TLX1: variants seen among roughly 807,000 people sequenced by gnomAD.
TLX1 encodes the protein T cell leukemia homeobox 1.
A neutral mutation model predicts 26.5 loss-of-function variants in TLX1; 6 were observed. That is an observed-to-expected ratio of 0.23 (90% CI 0.12 to 0.45). The LOEUF is 0.45. Among genes scored for constraint, TLX1 ranks in the 20% least tolerant of loss-of-function variants. The probability of loss-of-function intolerance (pLI) is 0.99; values close to 1 mark genes in which losing one functional copy is unlikely to be tolerated. For synonymous variants in TLX1, 217 were observed against 219.7 expected, an observed-to-expected ratio of 0.99 and a Z score of 0.11; for missense variants, 418 against 482.6, an observed-to-expected ratio of 0.87 and a Z score of 1.25.
chr10:101,134,073 T>G (rs1590128443), intron 1 of TLX1, 102 bp from the exon 2 acceptor site: 1 of 1,139,350 alleles, frequency 8.8e-7, no homozygotes, highest in Non-Finnish European at 1.2e-6. Flanking sequence ...TCGCGGGGTG[T>G]TGGGCCTGGG....
At chr10:101,136,597 C>T in intron 2 of TLX1, 94 bp from the exon 3 acceptor site, 1 of 1,604,808 alleles carries the variant, frequency 6.2e-7, no homozygotes, top group Non-Finnish European at 8.5e-7. Flanking sequence ...GAGCAGCGCT[C>T]GTTCAGTTTA....
In TLX1 at chr10:101,131,906, G is replaced by A; in HGVS notation, c.365G>A (p.Gly122Asp). The part of the protein sequence containing the change: ...GPGGGGGSSG[G>D]AGALSAAGVI... ...GGCGGCGGCGGCGGCAGCAGCGGCG[G>A]TGCCGGGGCACTCAGCGCTGCGGGG... The change falls in exon 1 of 3, where the codon GGT becomes GAT. Residue 122 changes from glycine to aspartate, a missense_variant. This residue lies in a region of TLX1 where 322 missense variants were observed against 344.6 expected (regional missense o/e 0.93). Coordinates refer to ENST00000370196, the MANE Select transcript of TLX1 (RefSeq NM_005521.4). 1 of 1,397,202 alleles carries A rather than the reference G, an allele frequency of 7.2e-7. No homozygotes were observed. The highest frequency in any genetic ancestry group is 9.2e-7 in the Non-Finnish European group (1 of 1,084,036). The allele number at this position is 1,397,202 out of a possible 1,614,324, so 86.6% of individuals were successfully genotyped here.
In TLX1 at chr10:101,131,872, C is replaced by A. The variant is rs1590126390; in HGVS notation, c.331C>A (p.Pro111Thr). ...CGTGAACATGGCCTTGGCAGGCGGC[C>A]CCGGTCCTGGCGGCGGCGGCGGCAG... ...YNVNMALAGGPGPGGGGGSSG... is the reference protein window; with the variant it reads ...YNVNMALAGGTGPGGGGGSSG... Residue 111 changes from proline to threonine, a missense_variant, in exon 1 of 3, where the codon CCC becomes ACC. Pro to Thr is a conservative substitution (Grantham distance 38). Around this residue, in one of 3 missense-constraint regions of TLX1, gnomAD observed 322 missense variants for 344.6 expected, o/e 0.93. Transcript: ENST00000370196. 5 of 1,404,208 alleles carry A rather than the reference C, an allele frequency of 3.6e-6. No individual in the cohort carries two copies. The highest frequency in any genetic ancestry group is 4.6e-6 in the Non-Finnish European group (5 of 1,086,194). 87.0% of individuals were successfully genotyped at this position (1,404,208 alleles called of 1,614,324 possible). A position where few individuals can be genotyped will look rare whatever the true frequency, so the allele number is the denominator to read the frequency against.
In TLX1 at chr10:101,137,053, C is replaced by A; in HGVS notation, c.*140C>A. On this transcript the variant is annotated 3_prime_UTR_variant, in exon 3 of 3. Coordinates refer to ENST00000370196, the MANE Select transcript of TLX1 (RefSeq NM_005521.4). ...GCCCTCGCACGGCCCCGAAGGGCCCCCACATTTGTGCCGACACTGTTCTCC... is the reference window on the plus strand; with the variant it reads ...GCCCTCGCACGGCCCCGAAGGGCCCACACATTTGTGCCGACACTGTTCTCC... 1.8e-6 allele frequency: 2 copies of A among 1,125,672 alleles called. No individual in the cohort carries two copies. The highest frequency in any genetic ancestry group is 2.5e-6 in the Non-Finnish European group (2 of 811,442). The allele number at this position is 1,125,672 out of a possible 1,614,324, so 69.7% of individuals were successfully genotyped here. A position where few individuals can be genotyped will look rare whatever the true frequency, so the allele number is the denominator to read the frequency against.
At position 101,132,278 on chromosome 10, in the gene TLX1, T is replaced by G. The variant is rs1283207033; in HGVS notation, c.568+169T>G. Among the ~76,000 whole-genome samples the G allele has an allele frequency of 6.6e-6, 1 of 152,208 alleles. No homozygotes were observed. ...CCGATTCTATAACGCAGACTCGCCA[T>G]GCTTGAAGAGTTCTCTCAGCCTGGA... On this transcript the variant is annotated intron_variant, in intron 1 of 2. Transcript: ENST00000370196. The surrounding 1 kb of genome is among the most constrained non-coding windows in gnomAD (Gnocchi z 4.1).
chr10:101,133,203 G>T (rs1940217654), intron 1 of TLX1: 1 of 152,338 alleles, frequency 6.6e-6, no homozygotes, highest in Non-Finnish European at 1.5e-5. Context: ...CTACTTGGGA[G>T]AAGCTGCTGA....
intron 2 of TLX1, among the ~76,000 whole-genome samples, chr10:101,134,681 C>T (rs564948139): frequency 2.0e-5 from 3 of 152,352 alleles, no homozygotes; most frequent in Non-Finnish European, 2.9e-5. Context: ...TTAGTGCACT[C>T]CACGCAGTCC....
rs1255124260 is a variant in TLX1, at chr10:101,131,931, G to A, written c.390G>A (p.Gly130=). 5 of 1,425,338 alleles carry A rather than the reference G, an allele frequency of 3.5e-6. No homozygotes were observed. The Admixed American group carries it at 8.4e-5, about 24-fold the overall frequency. 88.3% of individuals were successfully genotyped at this position (1,425,338 alleles called of 1,614,324 possible). A position where few individuals can be genotyped will look rare whatever the true frequency, so the allele number is the denominator to read the frequency against. The change falls in exon 1 of 3, where the codon GGG becomes GGA. Residue 130 remains glycine (G), a synonymous_variant. Transcript: ENST00000370196. ...SGGAGALSAA[G]VIRVPAHRPL... ...GTGCCGGGGCACTCAGCGCTGCGGGGGTAATCCGGGTGCCGGCACACAGGC... is the reference window on the plus strand; with the variant it reads ...GTGCCGGGGCACTCAGCGCTGCGGGAGTAATCCGGGTGCCGGCACACAGGC...
intron 2 of TLX1, among the ~76,000 whole-genome samples, chr10:101,136,345 C>T (rs1456103420): frequency 6.6e-6 from 1 of 152,138 alleles, no homozygotes; most frequent in African/African-American, 2.4e-5. Flanking sequence ...CCCTCAGGGC[C>T]GGGGAGGGGG....
At position 101,132,181 on chromosome 10, in the gene TLX1, C is replaced by T; in HGVS notation, c.568+72C>T. 1 of 1,252,924 alleles carries T rather than the reference C, an allele frequency of 8.0e-7. No homozygotes were observed. The highest frequency in any genetic ancestry group is 1.0e-6 in the Non-Finnish European group (1 of 991,612). 77.6% of individuals were successfully genotyped at this position (1,252,924 alleles called of 1,614,324 possible). A position where few individuals can be genotyped will look rare whatever the true frequency, so the allele number is the denominator to read the frequency against. On this transcript the variant is annotated intron_variant, in intron 1 of 2. Transcript: ENST00000370196. The surrounding 1 kb of genome is among the most constrained non-coding windows in gnomAD (Gnocchi z 4.1). ...GTGCTACCCCTGCCCCGCCGGGTGG[C>T]TCCCCAAAGCCGGTTCTGCGCTCCA...
Position 101,131,460 on chromosome 10 carries a change from C to T in TLX1, c.-82C>T, listed in dbSNP as rs550133755. 166 of 1,177,242 alleles carry T rather than the reference C, an allele frequency of 1.4e-4. No individual in the cohort carries two copies. In the African/African-American group the frequency reaches 2.4e-3, roughly 17 times the overall value. 72.9% of individuals were successfully genotyped at this position (1,177,242 alleles called of 1,614,324 possible). On this transcript the variant is annotated 5_prime_UTR_variant, in exon 1 of 3. Coordinates refer to ENST00000370196, the MANE Select transcript of TLX1 (RefSeq NM_005521.4). The stretch of plus-strand genomic sequence containing the variant: ...TCCGCGCAGCCAGGAGCCGCTGTTG[C>T]CTCCCAGCCCCTGCTAGCTGCCCCC...
In TLX1 at chr10:101,131,978, AC is replaced by A. The variant is rs1283916865; in HGVS notation, c.442del (p.Gln148SerfsTer93). ...AGGCCGCTCGCCGGAGCCGTGGCCC[AC>A]CCCCAGCCCCTGGCCACCGGCTTGC... ...AHRPLAGAVA[H>X]PQPLATGLPT... On this transcript the variant is annotated frameshift_variant, in exon 1 of 3. Transcript: ENST00000370196. LOFTEE classifies it high-confidence loss of function. 4 of 1,507,018 alleles carry A rather than the reference AC, an allele frequency of 2.7e-6. No homozygotes were observed. The highest frequency in any genetic ancestry group is 3.5e-6 in the Non-Finnish European group (4 of 1,134,620). 93.4% of individuals were successfully genotyped at this position (1,507,018 alleles called of 1,614,324 possible). A position where few individuals can be genotyped will look rare whatever the true frequency, so the allele number is the denominator to read the frequency against.
At chr10:101,136,351 G>T (rs1469429394) in intron 2 of TLX1, among the ~76,000 whole-genome samples, 1 of 152,232 alleles carries the variant, frequency 6.6e-6, no homozygotes, top group Non-Finnish European at 1.5e-5. Context: ...GGGCCGGGGA[G>T]GGGGAGGCGA....
chr10:101,134,210 A>C lies in TLX1; in HGVS notation c.604A>C (p.Lys202Gln). 1 of 1,609,892 alleles carries C rather than the reference A, an allele frequency of 6.2e-7. No individual in the cohort carries two copies. Among genetic ancestry groups the C allele is most frequent in the Non-Finnish European group, 8.5e-7 (1 of 1,178,414 alleles). ...PYQNRTPPKK[K>Q]KPRTSFTRLQ... ...TCAGAACCGGACGCCCCCCAAGAAG[A>C]AGAAGCCGCGCACGTCCTTCACACG... is the stretch of plus-strand genomic sequence containing the variant. Residue 202 changes from lysine to glutamine, a missense_variant, in exon 2 of 3, where the codon AAG becomes CAG. By Grantham distance (53) the Lys-to-Gln change is moderately conservative. Transcript: ENST00000370196.
In TLX1 at chr10:101,136,805, T is replaced by G. The variant is rs770230394; in HGVS notation, c.885T>G (p.Pro295=). 8.1e-6 allele frequency: 13 copies of G among 1,613,490 alleles called. No individual in the cohort carries two copies. In the African/African-American group the frequency reaches 1.7e-4, roughly 22 times the overall value. Residue 295 remains proline, a synonymous_variant, in exon 3 of 3, where the codon CCT becomes CCG. Transcript: ENST00000370196. The part of the protein sequence containing the change: ...KSLAQPLPAD[P]LCVHNSSLFA... ...TGGCACAGCCGCTGCCCGCTGACCC[T>G]CTGTGCGTGCACAACTCGTCGCTCT...
chr10:101,134,143 C>T lies in TLX1; in HGVS notation c.569-32C>T, dbSNP rs374304661. 7.1e-6 allele frequency: 11 copies of T among 1,549,068 alleles called. No homozygotes were observed. In the African/African-American group the frequency reaches 1.5e-4, roughly 21 times the overall value. Reference sequence around the variant, plus strand: ...TCTGTCTGTCTCCCGCTCCAGTGGCCCTCTCACCCTTCACTGTAACACGCC... The same window carrying T: ...TCTGTCTGTCTCCCGCTCCAGTGGCTCTCTCACCCTTCACTGTAACACGCC... On this transcript the variant is annotated intron_variant, in intron 1 of 2. Coordinates refer to ENST00000370196, the MANE Select transcript of TLX1 (RefSeq NM_005521.4).
At chr10:101,134,520 G>C in intron 2 of TLX1, 144 bp downstream of exon 2, 1 of 995,744 alleles carries the variant, frequency 1.0e-6, no homozygotes, top group Non-Finnish European at 1.4e-6. Context: ...CTAGGCTTGC[G>C]GGGAGCTGGA....
rs749600881 is a variant in TLX1, at chr10:101,136,929, C to T, written c.*16C>T. On this transcript the variant is annotated 3_prime_UTR_variant, in exon 3 of 3. Coordinates refer to ENST00000370196, the MANE Select transcript of TLX1 (RefSeq NM_005521.4). ...CTGCGAGTGAGCCTGCCCATTCTGC[C>T]CTGTGGGACCCCAGGCCCACTCAGG... 1.7e-5 allele frequency: 27 copies of T among 1,611,716 alleles called. No individual in the cohort carries two copies. The highest frequency in any genetic ancestry group is 2.3e-5 in the Non-Finnish European group (27 of 1,178,764).
At chr10:101,135,530 C>G (rs76638522) in intron 2 of TLX1, 1 of 153,950 alleles carries the variant, frequency 6.5e-6, no homozygotes, top group East Asian at 1.9e-4. Flanking sequence ...GTTTCCAAGG[C>G]CTACTGAGGG....
Sources: gnomAD v4.1 joint callset for allele counts (sites outside exome capture counted in the v4.1 genomes callset) on GRCh38, gnomAD v4.1.1 for gene constraint, gnomAD v4.1.1 regional missense constraint, Gnocchi (gnomAD v3.1) non-coding constraint, MANE v1.5 for transcripts, NCBI Gene and HGNC (gene_info 2026-07-23, HGNC 2026-07-21) for gene names.